The following CDH23 variants were observed in gnomAD, a reference collection of about 807,000 sequenced individuals.
The protein encoded by CDH23 is cadherin related 23.
CDH23 carries 189 observed loss-of-function variants against 317.1 expected under a neutral mutation model. The ratio of observed to expected loss-of-function variants is 0.60; its 90% confidence interval spans 0.53 to 0.67. The LOEUF (loss-of-function observed/expected upper bound fraction) is 0.67, where lower values mean the gene tolerates loss of function less well. CDH23 is among the 30% of genes least tolerant of loss of function. The pLI is 0.00. For synonymous variants in CDH23, 1,839 were observed against 1,876.8 expected (o/e 0.98, Z 0.52); for missense variants, 4,401 against 4,592.4 (o/e 0.96, Z 1.20).
chr10:71,522,861 T>G (rs1854778063), intron 6 of CDH23, among the ~76,000 whole-genome samples: 1 of 152,164 alleles, frequency 6.6e-6, no homozygotes, highest in African/African-American at 2.4e-5. Flanking sequence ...TACTGTCTCC[T>G]TCCATCCTCA....
chr10:71,698,617 T>C (rs1220390668), intron 22 of CDH23, among the ~76,000 whole-genome samples: 1 of 152,138 alleles, frequency 6.6e-6, no homozygotes, highest in Non-Finnish European at 1.5e-5. Flanking sequence ...TCAGAGCCTT[T>C]GCACGAGCCC....
chr10:71,751,987 T>C lies in CDH23; in HGVS notation c.4845+10066T>C. ...TCCCCATCCCCAAGCCTCAGCAGCATCTCCAAGCAAGAAGGCAGGAGCCAG... is the reference window on the plus strand; with the variant it reads ...TCCCCATCCCCAAGCCTCAGCAGCACCTCCAAGCAAGAAGGCAGGAGCCAG... On this transcript the variant is annotated intron_variant, in intron 38 of 69. Transcript: ENST00000224721. The surrounding 1 kb of genome is among the most constrained non-coding windows in gnomAD (Gnocchi z 4.9). The C allele has an allele frequency of 9.3e-7, 1 of 1,078,714 alleles. No homozygotes were observed. The highest frequency in any genetic ancestry group is 1.4e-6 in the Non-Finnish European group (1 of 730,274). 66.8% of individuals were successfully genotyped at this position (1,078,714 alleles called of 1,614,324 possible). A position where few individuals can be genotyped will look rare whatever the true frequency, so the allele number is the denominator to read the frequency against.
intron 6 of CDH23, among the ~76,000 whole-genome samples, chr10:71,545,161 G>C (rs906282271): frequency 1.3e-5 from 2 of 152,318 alleles, no homozygotes; most frequent in African/African-American, 4.8e-5. Flanking sequence ...TTTCCTGGGG[G>C]TTGATCATTT....
Position 71,731,010 on chromosome 10 carries a change from A to C in CDH23, c.3715+406A>C, listed in dbSNP as rs139751682. ...GCCTTCCAGGACCAGCTCAGGGCCT[A>C]GCACACGCAGACCCCCTGACCCTGT... On this transcript the variant is annotated intron_variant, in intron 31 of 69. Transcript: ENST00000224721. 6.8e-3 allele frequency among the ~76,000 whole-genome samples: 1,034 copies of C among 152,334 alleles called. 13 individuals carry two copies. Among genetic ancestry groups the C allele is most frequent in the African/African-American group, 0.024 (978 of 41,584 alleles).
chr10:71,808,115 T>A, intron 60 of CDH23, 108 bp downstream of exon 60: 2 of 1,375,526 alleles, frequency 1.5e-6, no homozygotes, highest in Non-Finnish European at 2.0e-6. Context: ...AGGATATGGG[T>A]GGCCCCCCAG....
chr10:71,810,666 A>G (rs1418985742), intron 62 of CDH23, 97 bp downstream of exon 62: 2 of 1,101,718 alleles, frequency 1.8e-6, no homozygotes, highest in Non-Finnish European at 1.4e-6. Context: ...GACACAGACC[A>G]CACCATCAGG....
intron 1 of CDH23, among the ~76,000 whole-genome samples, chr10:71,427,697 G>T (rs1463399330): frequency 1.3e-5 from 2 of 151,616 alleles, no homozygotes; most frequent in South Asian, 4.2e-4. Context: ...TGGAGCATAG[G>T]GTAATTCTAT....
At chr10:71,624,773 C>G (rs992012691) in intron 11 of CDH23, among the ~76,000 whole-genome samples, 1 of 133,262 alleles carries the variant, frequency 7.5e-6, no homozygotes, top group African/African-American at 3.3e-5. Context: ...ATTATTATCC[C>G]CTGTCCTTTC....
chr10:71,621,166 AGTGTTGTTTCTTGCC>A (rs1861449472), intron 11 of CDH23, among the ~76,000 whole-genome samples: 2 of 152,230 alleles, frequency 1.3e-5, no homozygotes, highest in African/African-American at 2.4e-5. Context: ...TTTTTAGAAA[AGTGTTGTTTCTTGCC>A]AGTCCATTTC....
chr10:71,611,281 G>A (rs4747171), intron 9 of CDH23, among the ~76,000 whole-genome samples: 79 of 152,242 alleles, frequency 5.2e-4, no homozygotes, highest in African/African-American at 1.8e-3. Flanking sequence ...CCTGAATGAG[G>A]GGGGAGCAGA....
chr10:71,650,424 G>A (rs1010833145), intron 14 of CDH23, among the ~76,000 whole-genome samples: 5 of 152,180 alleles, frequency 3.3e-5, no homozygotes, highest in Admixed American at 1.3e-4. Flanking sequence ...GTATATGTGC[G>A]CAGGCATGTG....
rs117608101 is a variant in CDH23, at chr10:71,781,523, C to T, written c.5368+2076C>T. The stretch of plus-strand genomic sequence containing the variant: ...CTGAAGCCCCTCCCCATGAGGGGCC[C>T]ACTCTGCACCCCAGCCTCAAGGCAC... On this transcript the variant is annotated intron_variant, in intron 41 of 69. Transcript: ENST00000224721. 4.7e-3 allele frequency among the ~76,000 whole-genome samples: 712 copies of T among 152,300 alleles called. 5 individuals are homozygous for T. The highest frequency in any genetic ancestry group is 7.2e-3 in the Non-Finnish European group (487 of 68,022).
chr10:71,793,626 T>C lies in CDH23; in HGVS notation c.6698T>C (p.Val2233Ala), dbSNP rs1311093219. The C allele has an allele frequency of 1.0e-5, 16 of 1,590,616 alleles. No individual in the cohort carries two copies. The highest frequency in any genetic ancestry group is 1.4e-5 in the Non-Finnish European group (16 of 1,167,152). ...LVPNQEDAFA[V>A]NINTGSVMVK... Reference sequence around the variant, plus strand: ...CCCAACCAGGAGGACGCCTTTGCTGTGAATATCAACACAGGTACAAGGGCC... The same window carrying C: ...CCCAACCAGGAGGACGCCTTTGCTGCGAATATCAACACAGGTACAAGGGCC... Residue 2233 changes from valine (V) to alanine (A), a missense_variant, in exon 48 of 70, where the codon GTG (valine) becomes GCG (alanine). By Grantham distance (64) the Val-to-Ala change is moderately conservative. This residue lies in a region of CDH23 where 3,068 missense variants were observed against 3,203.3 expected (regional missense o/e 0.96). Transcript: ENST00000224721.
chr10:71,510,013 G>T, intron 3 of CDH23, 69 bp from the exon 4 acceptor site: 1 of 1,592,398 alleles, frequency 6.3e-7, no homozygotes, highest in Non-Finnish European at 8.6e-7. Flanking sequence ...TCAGCCACCT[G>T]GGCAAGGTAG....
At chr10:71,484,298 C>A (rs1413599989) in intron 3 of CDH23, among the ~76,000 whole-genome samples, 1 of 152,200 alleles carries the variant, frequency 6.6e-6, no homozygotes, top group African/African-American at 2.4e-5. Flanking sequence ...CAGACAGGGC[C>A]AAAGTGCTTG....
At chr10:71,651,932 C>A (rs970858310) in intron 14 of CDH23, among the ~76,000 whole-genome samples, 1 of 152,148 alleles carries the variant, frequency 6.6e-6, no homozygotes, top group African/African-American at 2.4e-5. Context: ...GTGGGAGAGG[C>A]GAAGTGCTGA....
intron 1 of CDH23, among the ~76,000 whole-genome samples, chr10:71,435,254 C>T (rs1298427148): frequency 6.6e-6 from 1 of 152,210 alleles, no homozygotes; most frequent in Non-Finnish European, 1.5e-5. Context: ...AGAACATAGA[C>T]TCAGTAAATG....
chr10:71,778,019 G>T (rs1175752535), intron 39 of CDH23, 118 bp downstream of exon 39: 3 of 1,419,770 alleles, frequency 2.1e-6, no homozygotes, highest in Non-Finnish European at 2.9e-6. Flanking sequence ...AACTGTGGGG[G>T]CACTCAGTGT....
chr10:71,650,461 G>A (rs1863113994), intron 14 of CDH23, among the ~76,000 whole-genome samples: 1 of 152,170 alleles, frequency 6.6e-6, no homozygotes, highest in African/African-American at 2.4e-5. Context: ...TGTGTATGGG[G>A]GTGTGTGTAG....
Sources: gnomAD v4.1 joint callset for allele counts (sites outside exome capture counted in the v4.1 genomes callset) on GRCh38, gnomAD v4.1.1 for gene constraint, gnomAD v4.1.1 regional missense constraint, Gnocchi (gnomAD v3.1) non-coding constraint, MANE v1.5 for transcripts, NCBI Gene and HGNC (gene_info 2026-07-23, HGNC 2026-07-21) for gene names.